Variants in UBE2H observed in about 807,000 individuals in gnomAD.
UBE2H encodes the protein ubiquitin conjugating enzyme E2 H, also known as ubiquitin-conjugating enzyme E2 H.
A neutral mutation model predicts 29.0 loss-of-function variants in UBE2H; 3 were observed. The observed-to-expected ratio is 0.10, with a 90% CI of 0.05 to 0.27. The LOEUF (loss-of-function observed/expected upper bound fraction) is 0.27, where lower values mean the gene tolerates loss of function less well. Ranked by LOEUF, UBE2H falls within the 10% of genes least tolerant of loss-of-function variation. The pLI is 1.00. For synonymous variants in UBE2H, 69 were observed against 82.9 expected, an observed-to-expected ratio of 0.83 and a Z score of 0.91; for missense variants, 68 against 228.2, an observed-to-expected ratio of 0.30 and a Z score of 4.52.
At chr7:129,921,694 C>CAAAA (rs1047164274) in intron 1 of UBE2H, among the ~76,000 whole-genome samples, 28 of 68,346 alleles carry the variant, frequency 4.1e-4, no homozygotes, top group African/African-American at 6.6e-4. Flanking sequence ...GACTCTGTCA[C>CAAAA]AAAAAAAAAA....
At chr7:129,868,586 C>CAAAAAAAAA (rs11356893) in intron 3 of UBE2H, among the ~76,000 whole-genome samples, 3 of 69,514 alleles carry the variant, frequency 4.3e-5, no homozygotes, top group African/African-American at 6.0e-5. Flanking sequence ...GACTCCGTCT[C>CAAAAAAAAA]AAAAAAAAAA....
intron 1 of UBE2H, among the ~76,000 whole-genome samples, chr7:129,913,458 G>A (rs1206038859): frequency 6.6e-6 from 1 of 152,004 alleles, no homozygotes; most frequent in African/African-American, 2.4e-5. Flanking sequence ...TTTTGTAATA[G>A]AAGAGAAGAG....
Position 129,917,318 on chromosome 7 carries a change from T to G in UBE2H, c.53+35185A>C, listed in dbSNP as rs1807064923. On this transcript the variant is annotated intron_variant, in intron 1 of 6. Transcript: ENST00000355621. ...TCCAACTGATCCAGCCCACTTTTACTGCCAAGGTGTTAACATGCATTACAT... is the reference window on the plus strand; with the variant it reads ...TCCAACTGATCCAGCCCACTTTTACGGCCAAGGTGTTAACATGCATTACAT... Among the ~76,000 whole-genome samples, 3 of 152,248 alleles carry G rather than the reference T, an allele frequency of 2.0e-5. No individual in the cohort carries two copies. The South Asian group carries it at 6.2e-4, about 32-fold the overall frequency.
chr7:129,940,076 A>G (rs1024190557), intron 1 of UBE2H, among the ~76,000 whole-genome samples: 1 of 152,178 alleles, frequency 6.6e-6, no homozygotes, highest in Non-Finnish European at 1.5e-5. Context: ...TGACAGCCCA[A>G]TTGCTTCTGA....
intron 3 of UBE2H, among the ~76,000 whole-genome samples, chr7:129,865,979 A>C (rs1267406763): frequency 6.6e-6 from 1 of 152,178 alleles, no homozygotes; most frequent in African/African-American, 2.4e-5. Context: ...CTAGTGACAG[A>C]CATTGGCCAG....
chr7:129,854,060 G>GGTTTTTTTTTTTTTTTTTATT (rs1554430936), intron 5 of UBE2H, among the ~76,000 whole-genome samples: 22 of 100,314 alleles, frequency 2.2e-4, no homozygotes, highest in Non-Finnish European at 3.8e-4. Context: ...TTTAGTGTTA[G>GGTTTTTTTTTTTTTTTTTATT]TTTTTTTTTT....
intron 1 of UBE2H, among the ~76,000 whole-genome samples, chr7:129,887,281 G>A (rs139276125): frequency 6.9e-6 from 1 of 144,374 alleles, no homozygotes; most frequent in Non-Finnish European, 1.5e-5. Flanking sequence ...GAGTGCAGTC[G>A]CACGATCTCA....
rs779819430 is a variant in UBE2H at position 129,952,538 on chromosome 7, C to A, written c.18G>T (p.Pro6=). 5.0e-6 allele frequency: 8 copies of A among 1,612,904 alleles called. No individual in the cohort carries two copies. Among genetic ancestry groups the A allele is most frequent in the Admixed American group, 1.7e-5 (1 of 59,974 alleles). The part of the protein sequence containing the change: MSSPS[P]GKRRMDTDVV... ...CGTCCGTGTCCATCCGCCTCTTGCC[C>A]GGACTGGGAGATGACATGGTGTCGC... The change falls in exon 1 of 7, where the codon CCG becomes CCT. Residue 6 remains proline, a synonymous_variant. Transcript: ENST00000355621.
At chr7:129,883,133 G>C (rs1015041104) in intron 1 of UBE2H, among the ~76,000 whole-genome samples, 1 of 152,164 alleles carries the variant, frequency 6.6e-6, no homozygotes, top group Non-Finnish European at 1.5e-5. Context: ...TGAAAACAAC[G>C]AAAGAGCTGG....
intron 5 of UBE2H, among the ~76,000 whole-genome samples, chr7:129,846,123 G>A (rs1320476127): frequency 6.6e-6 from 1 of 152,100 alleles, no homozygotes; most frequent in African/African-American, 2.4e-5. Context: ...CACAAGAGGG[G>A]ATGAATCACA....
chr7:129,849,964 A>G (rs1407329966), intron 5 of UBE2H, among the ~76,000 whole-genome samples: 1 of 152,248 alleles, frequency 6.6e-6, no homozygotes, highest in East Asian at 1.9e-4. Context: ...GAAGAGGGCC[A>G]TGCAGGCAAC....
At chr7:129,902,268 G>A (rs1421017932) in intron 1 of UBE2H, among the ~76,000 whole-genome samples, 2 of 152,196 alleles carry the variant, frequency 1.3e-5, no homozygotes, top group African/African-American at 4.8e-5. Flanking sequence ...GGAGGCCGAG[G>A]CGGATGGATC....
At chr7:129,867,669 T>G (rs1317605432) in intron 3 of UBE2H, among the ~76,000 whole-genome samples, 1 of 87,790 alleles carries the variant, frequency 1.1e-5, no homozygotes, top group Admixed American at 1.6e-4. Context: ...CTGCACAATG[T>G]GCACATGTAC....
intron 1 of UBE2H, among the ~76,000 whole-genome samples, chr7:129,944,609 C>T (rs1807717041): frequency 6.6e-6 from 1 of 151,888 alleles, no homozygotes; most frequent in Non-Finnish European, 1.5e-5. Flanking sequence ...TAAAATTAGC[C>T]AGGCAAGTGG....
intron 5 of UBE2H, among the ~76,000 whole-genome samples, chr7:129,847,457 G>A (rs1805532917): frequency 6.6e-6 from 1 of 152,120 alleles, no homozygotes; most frequent in African/African-American, 2.4e-5. Context: ...AAGTTACAGT[G>A]AGCTATGATC....
chr7:129,952,312 A>T (rs1427071774), intron 1 of UBE2H, among the ~76,000 whole-genome samples, 191 bp downstream of exon 1: 1 of 152,082 alleles, frequency 6.6e-6, no homozygotes, highest in Non-Finnish European at 1.5e-5. Flanking sequence ...GGTGCTGCGG[A>T]GAAAAGGCGA....
At chr7:129,876,109 C>T (rs2116361139) in intron 3 of UBE2H, among the ~76,000 whole-genome samples, 2 of 152,342 alleles carry the variant, frequency 1.3e-5, no homozygotes, top group Middle Eastern at 6.8e-3. Flanking sequence ...CATTCTTCTT[C>T]TCTCCTAACC....
At chr7:129,846,216 G>A (rs1328203120) in intron 5 of UBE2H, among the ~76,000 whole-genome samples, 1 of 152,074 alleles carries the variant, frequency 6.6e-6, no homozygotes, top group African/African-American at 2.4e-5. Context: ...GAAATAAATG[G>A]AAAATTTCAA....
rs534078201 is a variant in UBE2H at position 129,897,865 on chromosome 7, A to C, written c.54-16894T>G. Among the ~76,000 whole-genome samples the C allele has an allele frequency of 1.2e-4, 19 of 152,362 alleles. No homozygotes were observed. The South Asian group carries it at 1.9e-3, about 15-fold the overall frequency. ...CTTCTTGATTGAAATTCTGCTTAAA[A>C]ACTATACAGAAGTGTAGTTAACAGG... On this transcript the variant is annotated intron_variant, in intron 1 of 6. Coordinates refer to ENST00000355621, the MANE Select transcript of UBE2H (RefSeq NM_003344.4).
Sources: gnomAD v4.1 joint callset for allele counts (sites outside exome capture counted in the v4.1 genomes callset) on GRCh38, gnomAD v4.1.1 for gene constraint, MANE v1.5 for transcripts, NCBI Gene and HGNC (gene_info 2026-07-23, HGNC 2026-07-21) for gene names.